The following PLCL1 variants were observed in gnomAD, a reference collection of about 807,000 sequenced individuals.
PLCL1 encodes phospholipase C like 1 (inactive), also known as inactive phospholipase C-like protein 1.
In PLCL1, 41 loss-of-function variants were observed where a neutral mutation model predicts 84.4. The ratio of observed to expected loss-of-function variants is 0.49; its 90% CI spans 0.38 to 0.63. The LOEUF (loss-of-function observed/expected upper bound fraction) is 0.63, where lower values mean the gene tolerates loss of function less well. Among genes scored for constraint, PLCL1 ranks in the 30% least tolerant of loss-of-function variants. The pLI is 0.00. For synonymous variants in PLCL1, 490 were observed against 488.3 expected, an observed-to-expected ratio of 1.00 and a Z score of -0.05; for missense variants, 1,206 against 1,367.8, an observed-to-expected ratio of 0.88 and a Z score of 1.87.
At chr2:197,831,028 G>A (rs543378733) in intron 1 of PLCL1, among the ~76,000 whole-genome samples, 129 of 152,196 alleles carry the variant, frequency 8.5e-4, no homozygotes, top group African/African-American at 2.9e-3. Flanking sequence ...CAGTAAATAC[G>A]GAAAGGAAAA....
intron 5 of PLCL1, among the ~76,000 whole-genome samples, chr2:198,135,615 A>G (rs1026739973): frequency 3.3e-5 from 5 of 152,174 alleles, no homozygotes; most frequent in Non-Finnish European, 7.3e-5. Context: ...TCTATTATTC[A>G]GCTCACTGGT....
intron 1 of PLCL1, among the ~76,000 whole-genome samples, chr2:197,809,809 A>AGTGTGTGT (rs3056067): frequency 2.7e-5 from 4 of 146,654 alleles, no homozygotes; most frequent in African/African-American, 1.0e-4. Context: ...GAGCTCTGAA[A>AGTGTGTGT]GTGTGTGTGT....
rs1239748591 is a variant in PLCL1 at position 198,043,030 on chromosome 2, T to C, written c.241-40728T>C. Among the ~76,000 whole-genome samples, 4 of 151,982 alleles carry C rather than the reference T, an allele frequency of 2.6e-5. No individual in the cohort carries two copies. In the East Asian group the frequency reaches 5.8e-4, roughly 22 times the overall value. On this transcript the variant is annotated intron_variant, in intron 1 of 5. Transcript: ENST00000428675. Reference sequence around the variant, plus strand: ...GACACCAATGATTTCCAAGAGAGGATATATTGGCTGCCCAGATCTGAGCAG... The same window carrying C: ...GACACCAATGATTTCCAAGAGAGGACATATTGGCTGCCCAGATCTGAGCAG...
At chr2:197,885,953 C>T (rs1050002413) in intron 1 of PLCL1, among the ~76,000 whole-genome samples, 1 of 152,132 alleles carries the variant, frequency 6.6e-6, no homozygotes, top group Non-Finnish European at 1.5e-5. Flanking sequence ...GGGAAAGAGA[C>T]TATGGCCATA....
At chr2:197,991,317 T>C (rs1386788737) in intron 1 of PLCL1, among the ~76,000 whole-genome samples, 5 of 152,140 alleles carry the variant, frequency 3.3e-5, no homozygotes, top group Non-Finnish European at 7.4e-5. Context: ...ACCACTGGCT[T>C]TCCTGGGATT....
intron 1 of PLCL1, among the ~76,000 whole-genome samples, chr2:198,045,481 G>A (rs1454111198): frequency 6.6e-6 from 1 of 152,092 alleles, no homozygotes; most frequent in African/African-American, 2.4e-5. Context: ...TTATTACATA[G>A]GGCATTTTCA....
intron 1 of PLCL1, among the ~76,000 whole-genome samples, chr2:197,930,053 G>A (rs1688904070): frequency 6.6e-6 from 1 of 152,080 alleles, no homozygotes; most frequent in Non-Finnish European, 1.5e-5. Flanking sequence ...ATTAATCTGT[G>A]CAAATGCCTA....
intron 1 of PLCL1, among the ~76,000 whole-genome samples, chr2:198,019,528 A>C (rs1277885786): frequency 2.0e-5 from 3 of 152,216 alleles, no homozygotes; most frequent in Non-Finnish European, 4.4e-5. Flanking sequence ...TAACTAGTTT[A>C]GAGAAGAACA....
intron 1 of PLCL1, among the ~76,000 whole-genome samples, chr2:197,877,005 C>T: frequency 6.6e-6 from 1 of 152,114 alleles, no homozygotes; most frequent in Admixed American, 6.6e-5. Context: ...ATGATGTGTG[C>T]ATCATCTTAT....
At chr2:197,847,378 T>C (rs1687140178) in intron 1 of PLCL1, among the ~76,000 whole-genome samples, 1 of 152,162 alleles carries the variant, frequency 6.6e-6, no homozygotes, top group African/African-American at 2.4e-5. Flanking sequence ...CAGAGGCAAA[T>C]ACTGTTAACA....
chr2:197,965,904 T>C (rs1689722452), intron 1 of PLCL1, among the ~76,000 whole-genome samples: 1 of 152,084 alleles, frequency 6.6e-6, no homozygotes, highest in South Asian at 2.1e-4. Flanking sequence ...TCCACTGTGG[T>C]TAGAGTCTCA....
intron 1 of PLCL1, among the ~76,000 whole-genome samples, chr2:197,833,178 A>G (rs1218370490): frequency 6.6e-6 from 1 of 152,194 alleles, no homozygotes; most frequent in African/African-American, 2.4e-5. Flanking sequence ...TTGATGGAAC[A>G]TATCTCAAAA....
intron 1 of PLCL1, among the ~76,000 whole-genome samples, chr2:198,062,081 A>C (rs997526288): frequency 6.6e-6 from 1 of 152,208 alleles, no homozygotes; most frequent in Non-Finnish European, 1.5e-5. Flanking sequence ...ATTAGTCAGA[A>C]ATTTGAATTG....
intron 1 of PLCL1, among the ~76,000 whole-genome samples, chr2:197,846,085 G>A (rs189505048): frequency 5.1e-4 from 77 of 152,088 alleles, no homozygotes; most frequent in African/African-American, 1.7e-3. Context: ...AATACAATAT[G>A]AGGAAAAAAA....
At chr2:198,050,467 C>A (rs1162069101) in intron 1 of PLCL1, among the ~76,000 whole-genome samples, 1 of 151,904 alleles carries the variant, frequency 6.6e-6, no homozygotes. Context: ...AAGAAGATAT[C>A]ATCTATTTGA....
At chr2:198,071,418 A>T (rs1442889810) in intron 1 of PLCL1, among the ~76,000 whole-genome samples, 6 of 151,894 alleles carry the variant, frequency 4.0e-5, no homozygotes, top group Non-Finnish European at 8.8e-5. Flanking sequence ...AAAATATATT[A>T]TTACATTACC....
intron 1 of PLCL1, among the ~76,000 whole-genome samples, chr2:197,957,234 G>T (rs918328844): frequency 6.6e-6 from 1 of 151,950 alleles, no homozygotes; most frequent in Non-Finnish European, 1.5e-5. Context: ...CACTGTGATT[G>T]TTCCTTTGTG....
At chr2:198,051,755 A>G (rs1691936527) in intron 1 of PLCL1, among the ~76,000 whole-genome samples, 1 of 152,110 alleles carries the variant, frequency 6.6e-6, no homozygotes, top group South Asian at 2.1e-4. Flanking sequence ...TATTTTATTT[A>G]GACGGCGTCT....
chr2:197,849,785 C>T (rs1033462745), intron 1 of PLCL1, among the ~76,000 whole-genome samples: 1 of 152,038 alleles, frequency 6.6e-6, no homozygotes, highest in Non-Finnish European at 1.5e-5. Context: ...CTGAGCACAT[C>T]TCCTTTAGGA....
Sources: allele counts gnomAD v4.1 joint callset (sites outside exome capture counted in the v4.1 genomes callset), GRCh38; gene constraint gnomAD v4.1.1; transcripts MANE v1.5; gene names NCBI Gene and HGNC (gene_info 2026-07-23, HGNC 2026-07-21).